CADM2: variants seen among roughly 807,000 people sequenced by gnomAD.
The protein encoded by CADM2 is immunoglobulin superfamily member 4D.
A neutral mutation model predicts 49.8 loss-of-function variants in CADM2; 12 were observed. That is an observed-to-expected ratio of 0.24 (90% CI 0.15 to 0.39). CADM2 has a LOEUF of 0.39. CADM2 is among the 10% of genes least tolerant of loss of function. The probability of loss-of-function intolerance (pLI) is 1.00; values close to 1 mark genes in which losing one functional copy is unlikely to be tolerated. For synonymous variants in CADM2, 214 were observed against 175.4 expected (o/e 1.22, Z -1.74); for missense variants, 378 against 492.3 (o/e 0.77, Z 2.20).
intron 1 of CADM2, among the ~76,000 whole-genome samples, chr3:85,015,115 A>T (rs2034194659): frequency 6.6e-6 from 1 of 152,090 alleles, no homozygotes; most frequent in African/African-American, 2.4e-5. Flanking sequence ...ATATATAAGT[A>T]TATGTGTGTA....
chr3:85,769,813 G>A (rs2069978046), intron 2 of CADM2, among the ~76,000 whole-genome samples: 1 of 151,174 alleles, frequency 6.6e-6, no homozygotes, highest in East Asian at 1.9e-4. Context: ...AGAAAATATA[G>A]TATTTTGTGA....
chr3:85,160,018 A>T (rs999729533), intron 1 of CADM2, among the ~76,000 whole-genome samples: 1 of 152,222 alleles, frequency 6.6e-6, no homozygotes, highest in African/African-American at 2.4e-5. Context: ...GAACACACAC[A>T]TATCTGGATA....
intron 8 of CADM2, among the ~76,000 whole-genome samples, chr3:86,053,395 T>G (rs1737555199): frequency 6.6e-6 from 1 of 152,312 alleles, no homozygotes; most frequent in African/African-American, 2.4e-5. Context: ...TTGGTCATTT[T>G]GGAAAATAGG....
intron 1 of CADM2, among the ~76,000 whole-genome samples, chr3:85,532,853 A>C (rs1576738642): frequency 6.6e-6 from 1 of 152,302 alleles, no homozygotes; most frequent in Non-Finnish European, 1.5e-5. Context: ...TGTCCTTTGC[A>C]GGGACATGGA....
At chr3:85,247,956 T>TTA (rs1473646970) in intron 1 of CADM2, among the ~76,000 whole-genome samples, 4 of 152,188 alleles carry the variant, frequency 2.6e-5, no homozygotes, top group African/African-American at 9.7e-5. Context: ...TCATTAGAAT[T>TTA]ATTAAATTCA....
intron 2 of CADM2, among the ~76,000 whole-genome samples, chr3:85,769,242 A>G (rs13090253): frequency 0.076 from 7,632 of 99,840 alleles, 1,020 homozygotes; most frequent in Non-Finnish European, 0.11. Context: ...ATATACACAT[A>G]TATACATATA....
intron 6 of CADM2, among the ~76,000 whole-genome samples, chr3:85,913,022 TC>T: frequency 6.6e-6 from 1 of 152,236 alleles, no homozygotes; most frequent in Non-Finnish European, 1.5e-5. Flanking sequence ...GTTTTCATCA[TC>T]ATCATTATTC....
chr3:85,760,369 T>C (rs73845643), intron 2 of CADM2, among the ~76,000 whole-genome samples: 8,141 of 152,134 alleles, frequency 0.054, 631 homozygotes, highest in African/African-American at 0.17. Flanking sequence ...AAAATCATTT[T>C]ATCTGAGCAG....
intron 3 of CADM2, among the ~76,000 whole-genome samples, chr3:85,831,229 C>T (rs1362031072): frequency 6.6e-6 from 1 of 151,890 alleles, no homozygotes; most frequent in Non-Finnish European, 1.5e-5. Context: ...TTTCTTTATC[C>T]AGTCCATGGG....
intron 1 of CADM2, among the ~76,000 whole-genome samples, chr3:85,307,219 T>G (rs1559770745): frequency 6.6e-6 from 1 of 151,610 alleles, no homozygotes; most frequent in Non-Finnish European, 1.5e-5. Context: ...CAAACCAGTA[T>G]TTTTGCCTTA....
rs566738370 is a variant in CADM2, at chr3:85,501,916, G to C, written c.62-224606G>C. 2.0e-5 allele frequency among the ~76,000 whole-genome samples: 3 copies of C among 152,190 alleles called. No individual in the cohort carries two copies. The East Asian group carries it at 5.8e-4, about 29-fold the overall frequency. On this transcript the variant is annotated intron_variant, in intron 1 of 9. Transcript: ENST00000383699. ...CTTTCTTGTCCTTAAGCCAAACACA[G>C]TCTATCTCTAAGGTAGTACAAAAGG...
chr3:85,893,023 T>C (rs1714680459), intron 5 of CADM2, among the ~76,000 whole-genome samples: 1 of 152,274 alleles, frequency 6.6e-6, no homozygotes, highest in East Asian at 1.9e-4. Context: ...AGAAACTTGT[T>C]GGGAAGTGGA....
At chr3:85,768,757 A>G (rs567459383) in intron 2 of CADM2, among the ~76,000 whole-genome samples, 2 of 139,188 alleles carry the variant, frequency 1.4e-5, no homozygotes, top group East Asian at 4.1e-4. Context: ...ATATACATAT[A>G]TAGTATATAT....
chr3:85,353,231 T>G (rs1401340319), intron 1 of CADM2, among the ~76,000 whole-genome samples: 2 of 151,972 alleles, frequency 1.3e-5, no homozygotes, highest in Admixed American at 6.6e-5. Flanking sequence ...TCAGTGACTC[T>G]TATAACTTAA....
In CADM2 at chr3:85,372,821, G is replaced by A. The variant is rs545592029; in HGVS notation, c.62-353701G>A. On this transcript the variant is annotated intron_variant, in intron 1 of 9. Coordinates refer to ENST00000383699, the MANE Select transcript of CADM2 (RefSeq NM_001167675.2). ...CTTACACGGTGGAAGGGAAGACTGC[G>A]TGTGCAGGGGAATTGCCCTTCATAA... is the stretch of plus-strand genomic sequence containing the variant. Among the ~76,000 whole-genome samples, 9 of 152,238 alleles carry A rather than the reference G, an allele frequency of 5.9e-5. No homozygotes were observed. The South Asian group carries it at 8.3e-4, about 14-fold the overall frequency.
intron 8 of CADM2, among the ~76,000 whole-genome samples, chr3:86,051,869 T>G (rs1737381152): frequency 6.6e-6 from 1 of 152,098 alleles, no homozygotes; most frequent in Non-Finnish European, 1.5e-5. Flanking sequence ...GTTCCCACAA[T>G]CCAATCACCT....
rs142232452 is a variant in CADM2 at position 85,072,633 on chromosome 3, G to C, written c.61+112965G>C. On this transcript the variant is annotated intron_variant, in intron 1 of 9. Coordinates refer to ENST00000383699, the MANE Select transcript of CADM2 (RefSeq NM_001167675.2). ...TTAACTCCCATTAACACTAATAGTG[G>C]CTTTGTGCATAAAACAGAAATACAT... Among the ~76,000 whole-genome samples the C allele has an allele frequency of 4.1e-3, 618 of 152,094 alleles. 5 individuals are homozygous for C. Among genetic ancestry groups the C allele is most frequent in the Non-Finnish European group, 5.8e-3 (393 of 67,930 alleles).
intron 3 of CADM2, among the ~76,000 whole-genome samples, chr3:85,876,040 C>G (rs149723095): frequency 3.3e-5 from 5 of 152,108 alleles, no homozygotes; most frequent in African/African-American, 1.2e-4. Context: ...GCTGACACCC[C>G]GTGGTTGTTG....
chr3:85,835,804 A>G (rs904479990), intron 3 of CADM2, among the ~76,000 whole-genome samples: 1 of 149,162 alleles, frequency 6.7e-6, no homozygotes, highest in Non-Finnish European at 1.5e-5. Context: ...CAGACTCAGT[A>G]TAGACTGATT....
Sources: allele counts gnomAD v4.1 joint callset (sites outside exome capture counted in the v4.1 genomes callset), GRCh38; gene constraint gnomAD v4.1.1; transcripts MANE v1.5; gene names NCBI Gene and HGNC (gene_info 2026-07-23, HGNC 2026-07-21).